Variants in NXPE3 observed in about 807,000 individuals in gnomAD.
NXPE3 encodes the protein NXPE family member 3.
NXPE3 carries 26 observed loss-of-function variants against 46.1 expected under a neutral mutation model. The ratio of observed to expected loss-of-function variants is 0.56; its 90% CI spans 0.41 to 0.78. The LOEUF is 0.78. NXPE3 is among the 30% of genes least tolerant of loss of function. NXPE3 has a pLI of 0.00. For missense variants in NXPE3, 620 were observed against 686.0 expected (o/e 0.90, Z 1.07); for synonymous variants, 272 against 257.9 (o/e 1.05, Z -0.52).
chr3:101,801,444 T>C lies in NXPE3; in HGVS notation c.303T>C (p.Thr101=), dbSNP rs1284871786. 6.2e-7 allele frequency: 1 copy of C among 1,614,230 alleles called. No individual in the cohort carries two copies. Among genetic ancestry groups the C allele is most frequent in the Non-Finnish European group, 8.5e-7 (1 of 1,180,042 alleles). Residue 101 remains threonine (T), a synonymous_variant, in exon 5 of 8, where the codon ACT becomes ACC. Coordinates refer to ENST00000273347, the MANE Select transcript of NXPE3 (RefSeq NM_145037.4). ...DVGPVPFVKS[T]DPSSSYFVIL... is the part of the protein sequence containing the mutation. ...GCCCAGTCCCCTTTGTGAAGAGCAC[T>C]GACCCTTCTTCCAGCTACTTTGTCA...
In NXPE3 at chr3:101,806,978, A is replaced by G. The variant is rs1360083002; in HGVS notation, c.849-75A>G. On this transcript the variant is annotated intron_variant, in intron 5 of 7. Coordinates refer to ENST00000273347, the MANE Select transcript of NXPE3 (RefSeq NM_145037.4). ...GCTCCGTGAAATTAGTCATTTTATCATTTGCCAATAAAGACATATATCTGA... is the reference window on the plus strand; with the variant it reads ...GCTCCGTGAAATTAGTCATTTTATCGTTTGCCAATAAAGACATATATCTGA... 4.1e-6 allele frequency: 4 copies of G among 979,226 alleles called. No individual in the cohort carries two copies. In the East Asian group the frequency reaches 7.1e-5, roughly 18 times the overall value. The allele number at this position is 979,226 out of a possible 1,614,324, so 60.7% of individuals were successfully genotyped here. A position where few individuals can be genotyped will look rare whatever the true frequency, so the allele number is the denominator to read the frequency against.
intron 1 of NXPE3, 153 bp from the exon 2 acceptor site, chr3:101,781,957 G>C (rs1347044493): frequency 1.3e-5 from 2 of 152,014 alleles, no homozygotes; most frequent in Non-Finnish European, 2.9e-5. Flanking sequence ...TTTTTTATTA[G>C]TAAGGAAAAG....
At chr3:101,780,694 A>G (rs1939765679) in intron 1 of NXPE3, among the ~76,000 whole-genome samples, 1 of 152,258 alleles carries the variant, frequency 6.6e-6, no homozygotes, top group Non-Finnish European at 1.5e-5. Context: ...GTTGAGGACC[A>G]CAACCTATCA....
intron 4 of NXPE3, among the ~76,000 whole-genome samples, chr3:101,786,999 G>T (rs1940225157): frequency 6.6e-6 from 1 of 152,016 alleles, no homozygotes; most frequent in African/African-American, 2.4e-5. Context: ...GAGGTGGGAG[G>T]ATCCCTTGAG....
intron 4 of NXPE3, among the ~76,000 whole-genome samples, chr3:101,790,163 A>G (rs981401200): frequency 6.6e-6 from 1 of 152,216 alleles, no homozygotes; most frequent in Admixed American, 6.5e-5. Context: ...CTATTTTGGT[A>G]TATATTCTAT....
intron 5 of NXPE3, among the ~76,000 whole-genome samples, chr3:101,805,062 G>A (rs919709270): frequency 6.6e-6 from 1 of 152,032 alleles, no homozygotes; most frequent in Non-Finnish European, 1.5e-5. Flanking sequence ...CTTTCTTTGT[G>A]TTTATATGTA....
intron 4 of NXPE3, among the ~76,000 whole-genome samples, chr3:101,787,338 G>T (rs553343604): frequency 6.6e-6 from 1 of 151,996 alleles, no homozygotes; most frequent in Non-Finnish European, 1.5e-5. Flanking sequence ...ACAGAGTCTC[G>T]CTCTGTTGCC....
At chr3:101,813,728 T>C (rs182732918) in intron 6 of NXPE3, among the ~76,000 whole-genome samples, 122 of 152,356 alleles carry the variant, frequency 8.0e-4, no homozygotes, top group African/African-American at 2.9e-3. Context: ...TTTTTTGTTT[T>C]AATTATTTTT....
intron 7 of NXPE3, 93 bp from the exon 8 acceptor site, chr3:101,821,311 A>T: frequency 4.9e-6 from 5 of 1,027,422 alleles, no homozygotes; most frequent in Non-Finnish European, 5.7e-6. Flanking sequence ...TACTTAAAAA[A>T]AAATTGTTAT....
chr3:101,812,580 G>A (rs1477913749), intron 6 of NXPE3, among the ~76,000 whole-genome samples: 1 of 152,046 alleles, frequency 6.6e-6, no homozygotes, highest in Middle Eastern at 3.4e-3. Context: ...TTGGGAGGCC[G>A]AGGCGGGTGG....
chr3:101,802,903 G>A (rs1024909809), intron 5 of NXPE3, among the ~76,000 whole-genome samples: 2 of 152,114 alleles, frequency 1.3e-5, no homozygotes, highest in Admixed American at 6.5e-5. Flanking sequence ...CTGGCCAAGC[G>A]TGGTGGCTCA....
Position 101,821,964 on chromosome 3 carries a change from G to A in NXPE3, c.*10G>A. 6.2e-7 allele frequency: 1 copy of A among 1,609,166 alleles called. No homozygotes were observed. Among genetic ancestry groups the A allele is most frequent in the Non-Finnish European group, 8.5e-7 (1 of 1,176,500 alleles). On this transcript the variant is annotated 3_prime_UTR_variant, in exon 8 of 8. Coordinates refer to ENST00000273347, the MANE Select transcript of NXPE3 (RefSeq NM_145037.4). Reference sequence around the variant, plus strand: ...CCCCTTGGAAACCTAGCCTGTCTTGGAAGGGACTGGAGGAATCATATTCAA... The same window carrying A: ...CCCCTTGGAAACCTAGCCTGTCTTGAAAGGGACTGGAGGAATCATATTCAA...
chr3:101,812,064 A>T (rs1448013297), intron 6 of NXPE3, among the ~76,000 whole-genome samples: 1 of 152,150 alleles, frequency 6.6e-6, no homozygotes, highest in Non-Finnish European at 1.5e-5. Context: ...TCAACCTTCT[A>T]GTATACAAAT....
chr3:101,808,854 T>TATATATATATACATATATATATAC lies in NXPE3; in HGVS notation c.922+1730_922+1731insATATATATACATATATATATACAT, dbSNP rs770360739. On this transcript the variant is annotated intron_variant, in intron 6 of 7. Coordinates refer to ENST00000273347, the MANE Select transcript of NXPE3 (RefSeq NM_145037.4). ...ATATATATATATATATATATATATA[T>TATATATATATACATATATATATAC]ATGAGACATTTATCTTTTATCTGTT... Among the ~76,000 whole-genome samples, 362 of 100,314 alleles carry TATATATATATACATATATATATAC rather than the reference T, an allele frequency of 3.6e-3. 28 individuals are homozygous for TATATATATATACATATATATATAC. The highest frequency in any genetic ancestry group is 5.8e-3 in the Non-Finnish European group (277 of 48,084). The allele number at this position is 100,314 out of a possible 152,430, so 65.8% of individuals were successfully genotyped here.
intron 4 of NXPE3, among the ~76,000 whole-genome samples, chr3:101,794,432 A>G (rs1192707155): frequency 6.6e-6 from 1 of 152,178 alleles, no homozygotes; most frequent in Non-Finnish European, 1.5e-5. Flanking sequence ...TAGGACATTC[A>G]GGGAGTTTCT....
intron 6 of NXPE3, among the ~76,000 whole-genome samples, chr3:101,812,011 G>A (rs1368079572): frequency 6.6e-6 from 1 of 152,058 alleles, no homozygotes; most frequent in African/African-American, 2.4e-5. Flanking sequence ...TGGGATTACA[G>A]GTGTGAGCCA....
chr3:101,818,496 G>T (rs1013012218), intron 7 of NXPE3, among the ~76,000 whole-genome samples: 2 of 151,524 alleles, frequency 1.3e-5, no homozygotes, highest in Non-Finnish European at 2.9e-5. Flanking sequence ...TTTTCATCAC[G>T]TCCCACCATA....
At chr3:101,803,769 G>A (rs1016892969) in intron 5 of NXPE3, among the ~76,000 whole-genome samples, 21 of 152,224 alleles carry the variant, frequency 1.4e-4, no homozygotes, top group African/African-American at 3.4e-4. Context: ...ACAGGTGTGC[G>A]CCACCACACC....
intron 4 of NXPE3, among the ~76,000 whole-genome samples, chr3:101,800,841 T>G (rs960812159): frequency 2.0e-5 from 3 of 152,198 alleles, no homozygotes; most frequent in Non-Finnish European, 4.4e-5. Flanking sequence ...AGTGTTAGCA[T>G]GGTATATCTT....
Sources: gnomAD v4.1 joint callset for allele counts (sites outside exome capture counted in the v4.1 genomes callset) on GRCh38, gnomAD v4.1.1 for gene constraint, MANE v1.5 for transcripts, NCBI Gene and HGNC (gene_info 2026-07-23, HGNC 2026-07-21) for gene names.